The following TAS2R1 variants were observed in gnomAD, a reference collection of about 807,000 sequenced individuals.
The protein encoded by TAS2R1 is taste receptor type 2 member 1.
For synonymous variants in TAS2R1, 141 were observed against 134.2 expected, an observed-to-expected ratio of 1.05 and a Z score of -0.35; for missense variants, 370 against 353.4, an observed-to-expected ratio of 1.05 and a Z score of -0.38.
At chr5:9,812,702 A>G in the TAS2R1 span, among the ~76,000 whole-genome samples, 2 of 152,138 alleles carry the variant, frequency 1.3e-5, no homozygotes, top group African/African-American at 4.8e-5. Context: ...GGAACTTAGT[A>G]ACAGTCACCA....
At chr5:9,821,446 T>C in the TAS2R1 span, among the ~76,000 whole-genome samples, 1 of 152,168 alleles carries the variant, frequency 6.6e-6, no homozygotes, top group Non-Finnish European at 1.5e-5. Context: ...TCTTGTGTAT[T>C]AGAGAGTTGA....
At chr5:9,755,732 A>G in the TAS2R1 span, among the ~76,000 whole-genome samples, 2 of 152,122 alleles carry the variant, frequency 1.3e-5, no homozygotes, top group Non-Finnish European at 2.9e-5. Flanking sequence ...ATTATTCATG[A>G]GTTTTCCAGA....
intron 2 of TAS2R1, among the ~76,000 whole-genome samples, chr5:9,657,976 A>T (rs1160787304): frequency 6.6e-6 from 1 of 152,162 alleles, no homozygotes; most frequent in East Asian, 1.9e-4. Flanking sequence ...GACTTGTTGA[A>T]GGATTTAGAA....
the TAS2R1 span, among the ~76,000 whole-genome samples, chr5:9,804,277 T>C: frequency 6.6e-6 from 1 of 152,032 alleles, no homozygotes; most frequent in African/African-American, 2.4e-5. Flanking sequence ...ATGACATTGA[T>C]GGCAACATAA....
chr5:9,850,147 G>A, the TAS2R1 span, among the ~76,000 whole-genome samples: 5 of 151,892 alleles, frequency 3.3e-5, no homozygotes, highest in Non-Finnish European at 7.4e-5. Context: ...TCCCCTGGGC[G>A]CCCCAGCTGA....
chr5:9,708,370 T>C (rs1468627056), intron 1 of TAS2R1, among the ~76,000 whole-genome samples: 1 of 152,234 alleles, frequency 6.6e-6, no homozygotes, highest in Non-Finnish European at 1.5e-5. Context: ...TACATGGTTT[T>C]CTTCTACAAA....
the TAS2R1 span, among the ~76,000 whole-genome samples, chr5:9,802,800 G>A: frequency 6.6e-6 from 1 of 152,188 alleles, no homozygotes. Flanking sequence ...CTACTCGGGT[G>A]GCTGAGGCAG....
the TAS2R1 span, among the ~76,000 whole-genome samples, chr5:9,864,245 G>A: frequency 6.6e-6 from 1 of 152,134 alleles, no homozygotes; most frequent in Admixed American, 6.5e-5. Flanking sequence ...GTAAGAGGTG[G>A]AGGAAAGAGA....
At chr5:9,863,682 T>C in the TAS2R1 span, among the ~76,000 whole-genome samples, 19 of 152,362 alleles carry the variant, frequency 1.2e-4, no homozygotes, top group South Asian at 1.0e-3. Context: ...CAGGGCTTTA[T>C]ACTCCAAACC....
intron 1 of TAS2R1, among the ~76,000 whole-genome samples, chr5:9,698,135 C>G (rs182581850): frequency 1.3e-5 from 2 of 151,972 alleles, no homozygotes; most frequent in East Asian, 3.9e-4. Context: ...TTTAAAAAAC[C>G]ATTTTATTAT....
chr5:9,689,577 C>T (rs186566061), intron 1 of TAS2R1, among the ~76,000 whole-genome samples: 354 of 152,110 alleles, frequency 2.3e-3, no homozygotes, highest in Non-Finnish European at 4.4e-3. Flanking sequence ...ATTATTTTTG[C>T]TCCTTGGACT....
At chr5:9,786,100 T>C in the TAS2R1 span, among the ~76,000 whole-genome samples, 1 of 152,212 alleles carries the variant, frequency 6.6e-6, no homozygotes, top group Non-Finnish European at 1.5e-5. Context: ...ATACATAATC[T>C]AGTTTCTAGA....
At chr5:9,668,716 G>A (rs985118287) in intron 1 of TAS2R1, among the ~76,000 whole-genome samples, 1 of 152,098 alleles carries the variant, frequency 6.6e-6, no homozygotes, top group Non-Finnish European at 1.5e-5. Flanking sequence ...AATGTTATGG[G>A]AATTTGTTAC....
the TAS2R1 span, among the ~76,000 whole-genome samples, chr5:9,872,020 A>G: frequency 6.6e-6 from 1 of 152,140 alleles, no homozygotes; most frequent in African/African-American, 2.4e-5. Context: ...TGTAGATTTT[A>G]TTACATAATA....
At chr5:9,826,823 GT>G in the TAS2R1 span, among the ~76,000 whole-genome samples, 15 of 151,916 alleles carry the variant, frequency 9.9e-5, no homozygotes, top group Admixed American at 3.9e-4. Context: ...TGGAAACCTT[GT>G]TTTTTCCATT....
chr5:9,899,775 T>C, the TAS2R1 span, among the ~76,000 whole-genome samples: 1 of 152,204 alleles, frequency 6.6e-6, no homozygotes, highest in African/African-American at 2.4e-5. Flanking sequence ...CTTAATGGTC[T>C]AGAAAAGACA....
chr5:9,886,735 G>T, the TAS2R1 span, among the ~76,000 whole-genome samples: 1 of 152,060 alleles, frequency 6.6e-6, no homozygotes, highest in Admixed American at 6.5e-5. Flanking sequence ...AGAAAGTGGT[G>T]GGAGGAGAGT....
At chr5:9,691,800 T>A (rs1290256840) in intron 1 of TAS2R1, among the ~76,000 whole-genome samples, 1 of 152,146 alleles carries the variant, frequency 6.6e-6, no homozygotes, top group East Asian at 1.9e-4. Flanking sequence ...GTTCTATAAA[T>A]AGGAACTTAC....
At chr5:9,801,518 C>G in the TAS2R1 span, among the ~76,000 whole-genome samples, 1 of 152,188 alleles carries the variant, frequency 6.6e-6, no homozygotes, top group Non-Finnish European at 1.5e-5. Flanking sequence ...CCAGGAAAGC[C>G]AAGAGAATCC....
Sources: allele counts gnomAD v4.1 joint callset (sites outside exome capture counted in the v4.1 genomes callset), GRCh38; gene constraint gnomAD v4.1.1; transcripts MANE v1.5; gene names NCBI Gene and HGNC (gene_info 2026-07-23, HGNC 2026-07-21).